KIAA1328: variants seen among roughly 807,000 people sequenced by gnomAD.
KIAA1328 encodes the protein protein hinderin.
A neutral mutation model predicts 68.1 loss-of-function variants in KIAA1328; 52 were observed. The ratio of observed to expected loss-of-function variants is 0.76; its 90% confidence interval spans 0.61 to 0.96. KIAA1328 has a LOEUF of 0.96. KIAA1328 is among the 40% of genes least tolerant of loss of function. The pLI is 0.00. For missense variants in KIAA1328, 641 were observed against 677.6 expected (o/e 0.95, Z 0.60); for synonymous variants, 232 against 239.4 (o/e 0.97, Z 0.28).
chr18:36,896,127 G>A (rs1395588201), intron 5 of KIAA1328, among the ~76,000 whole-genome samples: 1 of 152,172 alleles, frequency 6.6e-6, no homozygotes, highest in Non-Finnish European at 1.5e-5. Context: ...AGGCTTTTCA[G>A]TGTATTTGTG....
At chr18:37,122,587 C>T (rs2058298560) in intron 7 of KIAA1328, among the ~76,000 whole-genome samples, 1 of 152,052 alleles carries the variant, frequency 6.6e-6, no homozygotes, top group South Asian at 2.1e-4. Flanking sequence ...GAAAAATTAT[C>T]GTCAGTCAAG....
At chr18:36,922,635 T>A (rs2049970072) in intron 5 of KIAA1328, among the ~76,000 whole-genome samples, 1 of 152,216 alleles carries the variant, frequency 6.6e-6, no homozygotes, top group Non-Finnish European at 1.5e-5. Context: ...CTGAATTGGT[T>A]ACTAAAAATG....
chr18:37,066,871 A>G lies in KIAA1328; in HGVS notation c.577-19A>G. Reference sequence around the variant, plus strand: ...TTGTTGTGTTCTTATTTGACAGGTGATCTTGTGGTTCTTTCTAGGTATCCA... The same window carrying G: ...TTGTTGTGTTCTTATTTGACAGGTGGTCTTGTGGTTCTTTCTAGGTATCCA... On this transcript the variant is annotated intron_variant, in intron 6 of 9. Coordinates refer to ENST00000280020, the MANE Select transcript of KIAA1328 (RefSeq NM_020776.3). 6.5e-6 allele frequency: 10 copies of G among 1,539,056 alleles called. No homozygotes were observed. The highest frequency in any genetic ancestry group is 1.4e-5 in the African/African-American group (1 of 72,678).
chr18:36,878,806 C>T (rs192495181), intron 4 of KIAA1328, among the ~76,000 whole-genome samples: 144 of 152,254 alleles, frequency 9.5e-4, no homozygotes, highest in African/African-American at 3.1e-3. Flanking sequence ...TTGATCAACT[C>T]GGCTATTGAT....
intron 5 of KIAA1328, among the ~76,000 whole-genome samples, chr18:36,941,560 A>G (rs1323804228): frequency 1.3e-5 from 2 of 152,146 alleles, no homozygotes; most frequent in Non-Finnish European, 2.9e-5. Context: ...GCGCCACTGC[A>G]CTCTAGCCTG....
At chr18:37,062,555 A>C (rs1309174587) in intron 6 of KIAA1328, among the ~76,000 whole-genome samples, 1 of 151,252 alleles carries the variant, frequency 6.6e-6, no homozygotes, top group East Asian at 1.9e-4. Context: ...TCCTGGGTTC[A>C]CGCCATTCTC....
At chr18:36,922,435 G>T (rs1354014461) in intron 5 of KIAA1328, among the ~76,000 whole-genome samples, 1 of 152,084 alleles carries the variant, frequency 6.6e-6, no homozygotes, top group African/African-American at 2.4e-5. Context: ...TTCAATAATA[G>T]ATTTTATATT....
intron 7 of KIAA1328, among the ~76,000 whole-genome samples, chr18:37,116,548 T>C (rs1599329009): frequency 6.6e-6 from 1 of 152,124 alleles, no homozygotes; most frequent in Admixed American, 6.6e-5. Flanking sequence ...GACCTAACAC[T>C]ATAAAAACCC....
chr18:37,198,929 A>G (rs563827368), intron 9 of KIAA1328, among the ~76,000 whole-genome samples: 1 of 152,258 alleles, frequency 6.6e-6, no homozygotes, highest in African/African-American at 2.4e-5. Context: ...TTGTGTCTAT[A>G]TTGGACCTGA....
intron 6 of KIAA1328, among the ~76,000 whole-genome samples, chr18:36,999,144 G>C (rs1222336575): frequency 6.6e-6 from 1 of 152,118 alleles, no homozygotes; most frequent in Non-Finnish European, 1.5e-5. Flanking sequence ...AAATACATTT[G>C]AAAGCTTCAA....
At chr18:36,945,641 A>G (rs1034972834) in intron 5 of KIAA1328, among the ~76,000 whole-genome samples, 9 of 152,220 alleles carry the variant, frequency 5.9e-5, no homozygotes, top group African/African-American at 2.2e-4. Context: ...ATACTACATT[A>G]CAGAGTACTT....
chr18:36,835,193 TAAG>T (rs748829456), intron 2 of KIAA1328, 38 bp from the exon 3 acceptor site: 1 of 1,585,574 alleles, frequency 6.3e-7, no homozygotes, highest in Admixed American at 1.7e-5. Flanking sequence ...TTTAAGATAA[TAAG>T]GTATAATTTT....
At chr18:37,151,759 T>A (rs1164117088) in intron 7 of KIAA1328, among the ~76,000 whole-genome samples, 4 of 152,026 alleles carry the variant, frequency 2.6e-5, no homozygotes, top group Non-Finnish European at 2.9e-5. Flanking sequence ...CTACCTCACA[T>A]CCTAGCCAAA....
intron 7 of KIAA1328, among the ~76,000 whole-genome samples, chr18:37,089,370 GC>G (rs1390728202): frequency 7.5e-6 from 1 of 133,086 alleles, no homozygotes; most frequent in Non-Finnish European, 1.6e-5. Flanking sequence ...GAAGGTAGTG[GC>G]TTTTTTTTTT....
At chr18:36,968,695 T>C (rs1252061607) in intron 6 of KIAA1328, among the ~76,000 whole-genome samples, 1 of 152,150 alleles carries the variant, frequency 6.6e-6, no homozygotes, top group Non-Finnish European at 1.5e-5. Context: ...GTGAGATATT[T>C]CAACACCCCC....
At chr18:37,093,714 A>G (rs2057327830) in intron 7 of KIAA1328, among the ~76,000 whole-genome samples, 2 of 152,232 alleles carry the variant, frequency 1.3e-5, no homozygotes, top group Non-Finnish European at 2.9e-5. Flanking sequence ...GGGCAAAAGT[A>G]TAGAAAACTT....
intron 5 of KIAA1328, among the ~76,000 whole-genome samples, chr18:36,955,348 G>T (rs1264981654): frequency 1.4e-5 from 2 of 138,272 alleles, no homozygotes; most frequent in African/African-American, 5.4e-5. Context: ...GTCTCACTCT[G>T]TTGCCAGGCT....
chr18:36,939,927 A>G (rs775831153), intron 5 of KIAA1328, among the ~76,000 whole-genome samples: 1 of 152,094 alleles, frequency 6.6e-6, no homozygotes, highest in Non-Finnish European at 1.5e-5. Flanking sequence ...ATTCTTTTAT[A>G]TATGTCTTTT....
intron 3 of KIAA1328, among the ~76,000 whole-genome samples, chr18:36,838,662 G>C (rs1273891325): frequency 6.6e-6 from 1 of 152,026 alleles, no homozygotes; most frequent in Non-Finnish European, 1.5e-5. Context: ...CTGTGTGTAT[G>C]TGTTTAAATA....
Sources: allele counts gnomAD v4.1 joint callset (sites outside exome capture counted in the v4.1 genomes callset), GRCh38; gene constraint gnomAD v4.1.1; transcripts MANE v1.5; gene names NCBI Gene and HGNC (gene_info 2026-07-23, HGNC 2026-07-21).